Variants in KIF3B observed in about 807,000 individuals in gnomAD.
KIF3B encodes the protein kinesin-like protein KIF3B.
Under a neutral mutation model 74.3 loss-of-function variants are expected in KIF3B, and 38 were observed. The ratio of observed to expected loss-of-function variants is 0.51; its 90% CI spans 0.39 to 0.67. The LOEUF is 0.67. Among genes scored for constraint, KIF3B ranks in the 30% least tolerant of loss-of-function variants. The pLI, the probability that KIF3B is intolerant of heterozygous loss-of-function variation, is 0.00. For synonymous variants in KIF3B, 326 were observed against 342.5 expected (o/e 0.95, Z 0.53); for missense variants, 649 against 932.0 (o/e 0.70, Z 3.95).
chr20:32,328,146 G>A (rs991615530), intron 7 of KIF3B, among the ~76,000 whole-genome samples: 22 of 151,538 alleles, frequency 1.5e-4, no homozygotes, highest in African/African-American at 2.7e-4. Flanking sequence ...CTAATAGGCC[G>A]GGCGCAGTGG....
rs866236274 is a variant in KIF3B, at chr20:32,287,827, A to G, written c.-66+10062A>G. On this transcript the variant is annotated intron_variant, in intron 1 of 8. Coordinates refer to ENST00000375712, the MANE Select transcript of KIF3B (RefSeq NM_004798.4). ...AAAAGTTTGAACTTTAAAAAATTCT[A>G]ACAGAGAACTGTCCATTTCCCTTCT... Among the ~76,000 whole-genome samples, 14 of 151,238 alleles carry G rather than the reference A, an allele frequency of 9.3e-5. 1 individual carries two copies. The Middle Eastern group carries it at 0.021, about 225-fold the overall frequency.
chr20:32,331,586 A>G lies in KIF3B; in HGVS notation c.*267A>G. The G allele has an allele frequency of 1.5e-5, 7 of 456,770 alleles. No homozygotes were observed. The South Asian group carries it at 2.0e-4, about 13-fold the overall frequency. The allele number at this position is 456,770 out of a possible 1,614,324, so 28.3% of individuals were successfully genotyped here. A position where few individuals can be genotyped will look rare whatever the true frequency, so the allele number is the denominator to read the frequency against. ...GATAGTTCAAGTGGAAAGCAAGAGAATGACCAGTGACCTTGCTTCCTTCCC... is the reference window on the plus strand; with the variant it reads ...GATAGTTCAAGTGGAAAGCAAGAGAGTGACCAGTGACCTTGCTTCCTTCCC... On this transcript the variant is annotated 3_prime_UTR_variant, in exon 9 of 9. Transcript: ENST00000375712.
chr20:32,321,092 G>A (rs909651404), intron 5 of KIF3B, among the ~76,000 whole-genome samples: 4 of 152,102 alleles, frequency 2.6e-5, no homozygotes, highest in African/African-American at 4.8e-5. Flanking sequence ...AGCACCATTT[G>A]TTGAAAGGGC....
rs145653439 is a variant in KIF3B, at chr20:32,310,099, G to A, written c.322G>A (p.Gly108Arg). 6.2e-7 allele frequency: 1 copy of A among 1,614,044 alleles called. No homozygotes were observed. The highest frequency in any genetic ancestry group is 1.3e-5 in the African/African-American group (1 of 74,928). Residue 108 changes from glycine (G) to arginine (R), a missense_variant, in exon 2 of 9, where the codon GGA becomes AGA. Transcript: ENST00000375712. The surrounding 1 kb of genome is among the most constrained non-coding windows in gnomAD (Gnocchi z 6.5). ...TGTGKTYTME[G>R]IRGDPEKRGV... ...GACAGGAAAAACCTACACCATGGAA[G>A]GAATCCGTGGTGACCCTGAAAAAAG...
chr20:32,326,736 G>C (rs192318079), intron 5 of KIF3B, 35 bp from the exon 6 acceptor site: 76 of 838,818 alleles, frequency 9.1e-5, no homozygotes, highest in Admixed American at 1.5e-4. Flanking sequence ...TATGTATTCT[G>C]TATCTGTTTT....
Position 32,330,137 on chromosome 20 carries a change from G to A in KIF3B, c.1969-4G>A. 6.2e-7 allele frequency: 1 copy of A among 1,610,962 alleles called. No individual in the cohort carries two copies. The highest frequency in any genetic ancestry group is 1.1e-5 in the South Asian group (1 of 90,812). On this transcript the variant is annotated splice_polypyrimidine_tract_variant and splice_region_variant and intron_variant, in intron 7 of 8. Coordinates refer to ENST00000375712, the MANE Select transcript of KIF3B (RefSeq NM_004798.4). Reference sequence around the variant, plus strand: ...CCTAGCTGGTGATGGCTGTGCTTCTGCAGGCAGAAAACATTGTGCTGTTAG... The same window carrying A: ...CCTAGCTGGTGATGGCTGTGCTTCTACAGGCAGAAAACATTGTGCTGTTAG...
chr20:32,329,678 A>G (rs1442567423), intron 7 of KIF3B, among the ~76,000 whole-genome samples: 1 of 152,200 alleles, frequency 6.6e-6, no homozygotes, highest in African/African-American at 2.4e-5. Context: ...AGAAGTATAT[A>G]TATGATATAA....
chr20:32,320,243 A>G (rs1320332055), intron 5 of KIF3B, among the ~76,000 whole-genome samples: 1 of 152,106 alleles, frequency 6.6e-6, no homozygotes, highest in Non-Finnish European at 1.5e-5. Context: ...CCACTTTCTC[A>G]TGAGATTCAT....
chr20:32,327,628 G>A lies in KIF3B; in HGVS notation c.1935G>A (p.Met645Ile), dbSNP rs756269082. The A allele has an allele frequency of 1.2e-6, 2 of 1,613,314 alleles. No homozygotes were observed. Among genetic ancestry groups the A allele is most frequent in the Admixed American group, 3.3e-5 (2 of 59,980 alleles). ...GACCATTGAGCCAGCACGCAAGAAT[G>A]TCCATGATGATTCGTCCAGAGGCCC... Reference protein sequence around the residue: ...YKRPLSQHARMSMMIRPEARY... With the variant: ...YKRPLSQHARISMMIRPEARY... Residue 645 changes from methionine (M) to isoleucine (I), a missense_variant, in exon 7 of 9, where the codon ATG becomes ATA. Transcript: ENST00000375712.
chr20:32,306,581 CTTTTTTTTTTTTTTT>C lies in KIF3B; in HGVS notation c.-65-3119_-65-3105del, dbSNP rs935086574. On this transcript the variant is annotated intron_variant, in intron 1 of 8. Transcript: ENST00000375712. ...GAGTATACTGTGAAAAGTTTTTCCT[CTTTTTTTTTTTTTTT>C]TTTTTTTTTTTTGAGACGGAGTCTC... Among the ~76,000 whole-genome samples the C allele has an allele frequency of 2.9e-3, 243 of 82,876 alleles. 1 individual carries two copies. Among genetic ancestry groups the C allele is most frequent in the Middle Eastern group, 7.5e-3 (1 of 134 alleles). 54.4% of individuals were successfully genotyped at this position (82,876 alleles called of 152,430 possible). A position where few individuals can be genotyped will look rare whatever the true frequency, so the allele number is the denominator to read the frequency against.
At chr20:32,292,420 A>ACC (rs545103598) in intron 1 of KIF3B, among the ~76,000 whole-genome samples, 1 of 148,364 alleles carries the variant, frequency 6.7e-6, no homozygotes, top group African/African-American at 2.5e-5. Flanking sequence ...ACAAAGCAAG[A>ACC]CCCCCCCCAA....
At chr20:32,290,337 C>G (rs1185722916) in intron 1 of KIF3B, among the ~76,000 whole-genome samples, 1 of 152,022 alleles carries the variant, frequency 6.6e-6, no homozygotes, top group Non-Finnish European at 1.5e-5. Context: ...GAGCCGAGAT[C>G]ACGCCACTAC....
At chr20:32,307,014 T>C (rs532089102) in intron 1 of KIF3B, among the ~76,000 whole-genome samples, 2 of 152,322 alleles carry the variant, frequency 1.3e-5, no homozygotes, top group Non-Finnish European at 2.9e-5. Flanking sequence ...GCATATAACA[T>C]GCATATATCC....
rs1163642753 is a variant in KIF3B at position 32,334,590 on chromosome 20, G to C, written c.*3271G>C. On this transcript the variant is annotated 3_prime_UTR_variant, in exon 9 of 9. Transcript: ENST00000375712. ...ACCTCAGACCATCTGAACCCCATCA[G>C]TGGACGAAAATGGGGCTGTTAATAT... 6.6e-6 allele frequency: 1 copy of C among 152,588 alleles called. No individual in the cohort carries two copies. The highest frequency in any genetic ancestry group is 1.5e-5 in the Non-Finnish European group (1 of 68,036). The allele number at this position is 152,588 out of a possible 1,614,324, so 9.5% of individuals were successfully genotyped here. A position where few individuals can be genotyped will look rare whatever the true frequency, so the allele number is the denominator to read the frequency against.
At chr20:32,303,903 T>G (rs1457301593) in intron 1 of KIF3B, among the ~76,000 whole-genome samples, 2 of 151,746 alleles carry the variant, frequency 1.3e-5, no homozygotes, top group Non-Finnish European at 2.9e-5. Flanking sequence ...ATTCTAGTGA[T>G]GTTTAATGCA....
intron 1 of KIF3B, among the ~76,000 whole-genome samples, chr20:32,303,093 G>A (rs1333081410): frequency 6.6e-6 from 1 of 152,148 alleles, no homozygotes; most frequent in Non-Finnish European, 1.5e-5. Flanking sequence ...GCCCAAGGAA[G>A]CCAAAGATTG....
In KIF3B at chr20:32,331,342, G is replaced by A. The variant is rs1171008615; in HGVS notation, c.*23G>A. On this transcript the variant is annotated 3_prime_UTR_variant, in exon 9 of 9. Coordinates refer to ENST00000375712, the MANE Select transcript of KIF3B (RefSeq NM_004798.4). ...TAAAGCCAGCTTCTCCTCTCCCAGG[G>A]CGGAAACAGCATTTGCCTTCTGAGA... is the stretch of plus-strand genomic sequence containing the variant. 50 of 1,572,134 alleles carry A rather than the reference G, an allele frequency of 3.2e-5. No individual in the cohort carries two copies. In the Admixed American group the frequency reaches 8.7e-4, roughly 27 times the overall value.
chr20:32,331,208 G>A lies in KIF3B; in HGVS notation c.2148-15G>A. ...ATGGGGACATGTAATATAAACATGT[G>A]TTTGACTTTTGCAGGCCTAAAAGTG... On this transcript the variant is annotated splice_polypyrimidine_tract_variant and intron_variant, in intron 8 of 8. Transcript: ENST00000375712. 2 of 1,595,474 alleles carry A rather than the reference G, an allele frequency of 1.3e-6. No individual in the cohort carries two copies. The highest frequency in any genetic ancestry group is 1.7e-6 in the Non-Finnish European group (2 of 1,163,364).
chr20:32,312,432 C>A (rs903127064), intron 2 of KIF3B, among the ~76,000 whole-genome samples: 1 of 152,024 alleles, frequency 6.6e-6, no homozygotes, highest in Non-Finnish European at 1.5e-5. Flanking sequence ...TAGCTCCTTG[C>A]GTTTCCCTCC....
Sources: gnomAD v4.1 joint callset for allele counts (sites outside exome capture counted in the v4.1 genomes callset) on GRCh38, gnomAD v4.1.1 for gene constraint, Gnocchi (gnomAD v3.1) non-coding constraint, MANE v1.5 for transcripts, NCBI Gene and HGNC (gene_info 2026-07-23, HGNC 2026-07-21) for gene names.